RBFOX3: variants seen among roughly 807,000 people sequenced by gnomAD.
RBFOX3 encodes RNA binding protein fox-1 homolog 3.
RBFOX3 carries 17 observed loss-of-function variants against 48.7 expected under a neutral mutation model. That is an observed-to-expected ratio of 0.35 (90% confidence interval 0.24 to 0.52). The LOEUF (loss-of-function observed/expected upper bound fraction) is 0.52. Ranked by LOEUF, RBFOX3 falls within the 20% of genes least tolerant of loss-of-function variation. The pLI, the probability that RBFOX3 is intolerant of heterozygous loss-of-function variation, is 0.94. For missense variants in RBFOX3, 382 were observed against 497.5 expected, an observed-to-expected ratio of 0.77 and a Z score of 2.21; for synonymous variants, 212 against 209.5, an observed-to-expected ratio of 1.01 and a Z score of -0.10.
intron 2 of RBFOX3, among the ~76,000 whole-genome samples, chr17:79,353,165 A>G (rs1424894033): frequency 6.6e-6 from 1 of 152,232 alleles, no homozygotes; most frequent in Non-Finnish European, 1.5e-5. Flanking sequence ...CTCGCCCTGA[A>G]CAGCACATCA....
At chr17:79,430,375 G>A (rs1209293712) in intron 2 of RBFOX3, among the ~76,000 whole-genome samples, 1 of 152,014 alleles carries the variant, frequency 6.6e-6, no homozygotes, top group African/African-American at 2.4e-5. Flanking sequence ...CAACACATCC[G>A]TAAATGGAAA....
At chr17:79,112,295 G>C (rs2031987573) in intron 5 of RBFOX3, among the ~76,000 whole-genome samples, 1 of 152,216 alleles carries the variant, frequency 6.6e-6, no homozygotes, top group African/African-American at 2.4e-5. Flanking sequence ...TCTCTCTGCA[G>C]GGTCAGCTGT....
chr17:79,307,173 C>T (rs1005983770), intron 3 of RBFOX3, among the ~76,000 whole-genome samples: 3 of 152,240 alleles, frequency 2.0e-5, no homozygotes, highest in South Asian at 4.1e-4. Context: ...AGGAGGGCCT[C>T]GCATGAGCAG....
intron 3 of RBFOX3, among the ~76,000 whole-genome samples, chr17:79,272,533 C>T (rs1038431527): frequency 1.3e-5 from 2 of 152,208 alleles, no homozygotes; most frequent in South Asian, 2.1e-4. Context: ...CCCCTGCCCA[C>T]GCGGGGCCAC....
intron 3 of RBFOX3, among the ~76,000 whole-genome samples, chr17:79,240,006 C>T (rs78502953): frequency 1.3e-5 from 2 of 152,194 alleles, no homozygotes; most frequent in Non-Finnish European, 2.9e-5. Flanking sequence ...ACCTGGCTCA[C>T]AGTTCAACTT....
intron 4 of RBFOX3, among the ~76,000 whole-genome samples, chr17:79,138,850 A>C (rs2041167301): frequency 1.0e-5 from 1 of 99,572 alleles, no homozygotes; most frequent in Non-Finnish European, 2.0e-5. Flanking sequence ...CACACAGCAC[A>C]TGCATTCACG....
At chr17:79,171,189 TATTG>T (rs2049203739) in intron 4 of RBFOX3, among the ~76,000 whole-genome samples, 1 of 152,256 alleles carries the variant, frequency 6.6e-6, no homozygotes, top group African/African-American at 2.4e-5. Context: ...ATCATGTGTA[TATTG>T]ATTAAATGCT....
chr17:79,261,385 C>A (rs1227075094), intron 3 of RBFOX3, among the ~76,000 whole-genome samples: 1 of 152,204 alleles, frequency 6.6e-6, no homozygotes, highest in African/African-American at 2.4e-5. Flanking sequence ...TTTCCTTTTT[C>A]TCTCCCAAGA....
At chr17:79,269,112 A>T (rs930992533) in intron 3 of RBFOX3, among the ~76,000 whole-genome samples, 1 of 147,850 alleles carries the variant, frequency 6.8e-6, no homozygotes, top group Non-Finnish European at 1.5e-5. Flanking sequence ...GGAGATGCGG[A>T]CACAAAAGAT....
chr17:79,092,708 GAA>G (rs11286198), intron 14 of RBFOX3: 363 of 641,694 alleles, frequency 5.7e-4, no homozygotes, highest in African/African-American at 6.7e-4. Flanking sequence ...AAAGCAAAAA[GAA>G]AAAAAAAAAG....
chr17:79,092,298 C>A, intron 14 of RBFOX3: 1 of 985,534 alleles, frequency 1.0e-6, no homozygotes, highest in African/African-American at 1.7e-5. Flanking sequence ...ACGGTGTGCA[C>A]ACCGTACCTG....
chr17:79,090,823 GA>G lies in RBFOX3; in HGVS notation c.*59del, dbSNP rs2146071176. 6.8e-7 allele frequency: 1 copy of G among 1,472,078 alleles called. No homozygotes were observed. Among genetic ancestry groups the G allele is most frequent in the African/African-American group, 1.4e-5 (1 of 69,272 alleles). The allele number at this position is 1,472,078 out of a possible 1,614,324, so 91.2% of individuals were successfully genotyped here. ...TCTTTTTTTGTTTTTTTTGTTTTGT[GA>G]TTTTTTTTGTTTTTTTGTTTTTGCC... On this transcript the variant is annotated 3_prime_UTR_variant, in exon 15 of 15. Coordinates refer to ENST00000693108, the MANE Select transcript of RBFOX3 (RefSeq NM_001350451.2).
At chr17:79,465,601 A>G (rs1342375599) in intron 2 of RBFOX3, among the ~76,000 whole-genome samples, 1 of 152,176 alleles carries the variant, frequency 6.6e-6, no homozygotes, top group Non-Finnish European at 1.5e-5. Flanking sequence ...AATACATCTA[A>G]ATTTCTCCAA....
In RBFOX3 at chr17:79,110,199, G is replaced by T. The variant is rs9902796; in HGVS notation, c.223-3411C>A. 9.4e-3 allele frequency among the ~76,000 whole-genome samples: 1,418 copies of T among 151,342 alleles called. 29 individuals are homozygous for T. Among genetic ancestry groups the T allele is most frequent in the African/African-American group, 0.032 (1,326 of 41,260 alleles). On this transcript the variant is annotated intron_variant, in intron 5 of 14. Coordinates refer to ENST00000693108, the MANE Select transcript of RBFOX3 (RefSeq NM_001350451.2). The stretch of plus-strand genomic sequence containing the variant: ...CAGGGAAAGAGAAAAGGACAGGACT[G>T]CCCTTCCCTCCCGACTGGGCTGGGG...
chr17:79,240,586 A>G (rs971480339), intron 3 of RBFOX3, among the ~76,000 whole-genome samples: 9 of 152,246 alleles, frequency 5.9e-5, no homozygotes, highest in Non-Finnish European at 1.2e-4. Context: ...TTAGGGACAC[A>G]TTCCTACCCT....
chr17:79,495,107 GC>G (rs2081246123), intron 1 of RBFOX3, among the ~76,000 whole-genome samples: 3 of 151,950 alleles, frequency 2.0e-5, no homozygotes, highest in Admixed American at 6.5e-5. Context: ...AAGGGTCGAA[GC>G]CCCCTCCTCA....
At chr17:79,160,825 C>T (rs567481102) in intron 4 of RBFOX3, among the ~76,000 whole-genome samples, 2 of 152,016 alleles carry the variant, frequency 1.3e-5, no homozygotes, top group African/African-American at 4.8e-5. Context: ...ACTAGAAATA[C>T]AAAGATTAGC....
chr17:79,663,195 G>C, the RBFOX3 span, among the ~76,000 whole-genome samples: 2 of 152,174 alleles, frequency 1.3e-5, no homozygotes, highest in Admixed American at 1.3e-4. Context: ...GGCTTAGGTA[G>C]AAATGCTATT....
chr17:79,338,527 C>G (rs1284954576), intron 2 of RBFOX3, among the ~76,000 whole-genome samples: 4 of 152,144 alleles, frequency 2.6e-5, no homozygotes, highest in Admixed American at 6.5e-5. Context: ...CCCCATAATT[C>G]AACTCCCTGA....
Sources: gnomAD v4.1 joint callset for allele counts (sites outside exome capture counted in the v4.1 genomes callset) on GRCh38, gnomAD v4.1.1 for gene constraint, MANE v1.5 for transcripts, NCBI Gene and HGNC (gene_info 2026-07-23, HGNC 2026-07-21) for gene names.